Variants in SOX6 observed in about 807,000 individuals in gnomAD.
SOX6 encodes the protein SRY-box transcription factor 6.
Under a neutral mutation model 97.8 loss-of-function variants are expected in SOX6, and 11 were observed. That is an observed-to-expected ratio of 0.11 (90% CI 0.07 to 0.19). The LOEUF is 0.19. Among genes scored for constraint, SOX6 ranks in the 10% least tolerant of loss-of-function variants. SOX6 has a pLI of 1.00. For synonymous variants in SOX6, 360 were observed against 371.4 expected, an observed-to-expected ratio of 0.97 and a Z score of 0.35; for missense variants, 810 against 1,039.5, an observed-to-expected ratio of 0.78 and a Z score of 3.04.
At chr11:16,014,770 A>T (rs1394508958) in intron 13 of SOX6, among the ~76,000 whole-genome samples, 172 bp downstream of exon 13, 2 of 152,066 alleles carry the variant, frequency 1.3e-5, no homozygotes, top group Non-Finnish European at 2.9e-5. Flanking sequence ...TTCTACTATA[A>T]TGCACAACAT....
intron 3 of SOX6, among the ~76,000 whole-genome samples, chr11:16,692,382 G>A (rs1277596950): frequency 4.6e-5 from 7 of 152,034 alleles, no homozygotes; most frequent in Non-Finnish European, 1.0e-4. Flanking sequence ...TTTCTCCACA[G>A]CTAACAAATT....
At chr11:16,163,490 T>C (rs1850807934) in intron 6 of SOX6, among the ~76,000 whole-genome samples, 1 of 152,178 alleles carries the variant, frequency 6.6e-6, no homozygotes, top group Admixed American at 6.5e-5. Context: ...TTTTAGAAGG[T>C]TAGGTAGCAT....
intron 9 of SOX6, among the ~76,000 whole-genome samples, chr11:16,073,315 C>A (rs1291316015): frequency 6.6e-6 from 1 of 151,534 alleles, no homozygotes; most frequent in East Asian, 1.9e-4. Context: ...GAAAAAAAAA[C>A]ATACTTTAAA....
At chr11:16,734,317 T>G (rs1188463514) in intron 2 of SOX6, among the ~76,000 whole-genome samples, 1 of 152,214 alleles carries the variant, frequency 6.6e-6, no homozygotes, top group East Asian at 1.9e-4. Flanking sequence ...ACCCTAGAGT[T>G]GCATTTATAT....
At chr11:16,021,437 G>T (rs1016493489) in intron 12 of SOX6, among the ~76,000 whole-genome samples, 2 of 151,986 alleles carry the variant, frequency 1.3e-5, no homozygotes, top group African/African-American at 4.8e-5. Flanking sequence ...CTTTATTTTA[G>T]ATCCTTTATT....
chr11:16,478,566 A>T (rs1282249270), upstream of SOX6, among the ~76,000 whole-genome samples: 1 of 152,224 alleles, frequency 6.6e-6, no homozygotes, highest in Admixed American at 6.5e-5. Flanking sequence ...GAATCTCATT[A>T]TCAATGGATT....
chr11:16,424,793 T>C (rs939557228), intron 1 of SOX6, among the ~76,000 whole-genome samples: 1 of 152,182 alleles, frequency 6.6e-6, no homozygotes, highest in Non-Finnish European at 1.5e-5. Flanking sequence ...TCAAGAGATA[T>C]TTTGTGTGTC....
rs1853199834 is a variant in SOX6 at position 15,968,266 on chromosome 11, A to G, written c.*4543T>C. ...CAATTCTTAGACAAACGTGTACAAAATCAGGCAGGGCTACAGCAACCATTT... is the reference window on the plus strand; with the variant it reads ...CAATTCTTAGACAAACGTGTACAAAGTCAGGCAGGGCTACAGCAACCATTT... On this transcript the variant is annotated 3_prime_UTR_variant, in exon 16 of 16. Coordinates refer to ENST00000683767, the MANE Select transcript of SOX6 (RefSeq NM_001367873.1). 1 of 152,222 alleles carries G rather than the reference A, an allele frequency of 6.6e-6. No individual in the cohort carries two copies. The highest frequency in any genetic ancestry group is 2.4e-5 in the African/African-American group (1 of 41,456). 9.4% of individuals were successfully genotyped at this position (152,222 alleles called of 1,614,324 possible). A position where few individuals can be genotyped will look rare whatever the true frequency, so the allele number is the denominator to read the frequency against.
intron 6 of SOX6, among the ~76,000 whole-genome samples, chr11:16,145,533 T>C (rs920350162): frequency 6.6e-6 from 1 of 152,198 alleles, no homozygotes; most frequent in Non-Finnish European, 1.5e-5. Context: ...ATAAAGGGTA[T>C]TCAATTAGGA....
rs535058669 is a variant in SOX6 at position 16,582,655 on chromosome 11, T to C, written n.609+29426A>G. Among the ~76,000 whole-genome samples the C allele has an allele frequency of 4.0e-5, 6 of 151,664 alleles. No homozygotes were observed. In the East Asian group the frequency reaches 1.2e-3, roughly 29 times the overall value. ...GTAAGAAAGAGCATATAACCACAGA[T>C]ACAAAAAAGAAGAAAAGAAAACAAT... On this transcript the variant is annotated intron_variant and non_coding_transcript_variant, in intron 4 of 5. Transcript: ENST00000524520.
rs918418252 is a variant in SOX6 at position 16,607,575 on chromosome 11, G to C, written n.609+4506C>G. 2.0e-4 allele frequency: 31 copies of C among 152,362 alleles called. 1 individual carries two copies. The highest frequency in any genetic ancestry group is 7.0e-4 in the African/African-American group (29 of 41,476). The allele number at this position is 152,362 out of a possible 1,614,324, so 9.4% of individuals were successfully genotyped here. ...CTGCGGGGGTGTCCCGCCCCGGGTG[G>C]GGGCAGCGCAGAGCGGCAGAAGTTT... On this transcript the variant is annotated intron_variant and non_coding_transcript_variant, in intron 4 of 5. Coordinates refer to the SOX6 transcript ENST00000524520. The surrounding 1 kb of genome is among the most constrained non-coding windows in gnomAD (Gnocchi z 6.5).
intron 3 of SOX6, among the ~76,000 whole-genome samples, chr11:16,250,286 G>A (rs2030289): frequency 1.3e-4 from 1 of 7,814 alleles, no homozygotes; most frequent in Non-Finnish European, 3.7e-4. Flanking sequence ...CCACGGCCTT[G>A]CCTTTTTTAG....
intron 2 of SOX6, among the ~76,000 whole-genome samples, chr11:16,339,294 T>G (rs2134337797): frequency 6.6e-6 from 1 of 152,102 alleles, no homozygotes; most frequent in South Asian, 2.1e-4. Flanking sequence ...ATCTCCAAGG[T>G]CCTGTTTGAT....
upstream of SOX6, among the ~76,000 whole-genome samples, chr11:16,479,753 C>T (rs1860311381): frequency 6.6e-6 from 1 of 152,066 alleles, no homozygotes; most frequent in Non-Finnish European, 1.5e-5. Flanking sequence ...CTTTCATATA[C>T]TATTGATGGG....
Position 16,580,976 on chromosome 11 carries a change from G to C in SOX6, n.609+31105C>G, listed in dbSNP as rs948847736. On this transcript the variant is annotated intron_variant and non_coding_transcript_variant, in intron 4 of 5. Transcript: ENST00000524520. ...TGCTGGCAAGGCTGTGGGGAAATAG[G>C]AATGCTTTTACACTCTTGGTGGGAA... Among the ~76,000 whole-genome samples the C allele has an allele frequency of 6.2e-4, 95 of 152,080 alleles. 3 individuals are homozygous for C.
At chr11:16,213,927 T>TAC (rs1852297011) in intron 4 of SOX6, among the ~76,000 whole-genome samples, 1 of 152,202 alleles carries the variant, frequency 6.6e-6, no homozygotes, top group African/African-American at 2.4e-5. Flanking sequence ...TTGTTATATA[T>TAC]ACCTGTAGAT....
intron 6 of SOX6, among the ~76,000 whole-genome samples, chr11:16,135,139 C>T (rs1035672138): frequency 6.6e-6 from 1 of 152,106 alleles, no homozygotes; most frequent in African/African-American, 2.4e-5. Flanking sequence ...TTTAAGCCTA[C>T]TGTTGAGACC....
chr11:16,249,358 CTT>C (rs892163246), intron 3 of SOX6, among the ~76,000 whole-genome samples: 1 of 152,188 alleles, frequency 6.6e-6, no homozygotes, highest in Non-Finnish European at 1.5e-5. Flanking sequence ...CTGCCAGTCT[CTT>C]TGTAATGCAA....
chr11:16,234,471 A>T (rs1215307850), intron 4 of SOX6, 111 bp downstream of exon 4: 7 of 678,798 alleles, frequency 1.0e-5, no homozygotes. Context: ...TGTACAATCA[A>T]ATGTTACATG....
Sources: gnomAD v4.1 joint callset for allele counts (sites outside exome capture counted in the v4.1 genomes callset) on GRCh38, gnomAD v4.1.1 for gene constraint, Gnocchi (gnomAD v3.1) non-coding constraint, MANE v1.5 for transcripts, NCBI Gene and HGNC (gene_info 2026-07-23, HGNC 2026-07-21) for gene names.